Variants in ATP13A4 observed in about 807,000 individuals in gnomAD.
ATP13A4 encodes the protein probable cation-transporting ATPase 13A4.
A neutral mutation model predicts 142.5 loss-of-function variants in ATP13A4; 114 were observed. The observed-to-expected ratio is 0.80, with a 90% CI of 0.69 to 0.93. The LOEUF is 0.93. Among genes scored for constraint, ATP13A4 ranks in the 40% least tolerant of loss-of-function variants. ATP13A4 has a pLI of 0.00. For synonymous variants in ATP13A4, 488 were observed against 514.8 expected (o/e 0.95, Z 0.70); for missense variants, 1,392 against 1,454.0 (o/e 0.96, Z 0.69).
intron 17 of ATP13A4, among the ~76,000 whole-genome samples, chr3:193,448,948 A>C (rs1465718108): frequency 6.6e-6 from 1 of 151,530 alleles, no homozygotes; most frequent in Non-Finnish European, 1.5e-5. Context: ...CACAAAGGGG[A>C]GTTTTAGTTC....
At position 193,414,700 on chromosome 3, in the gene ATP13A4, G is replaced by T. The variant is rs189378270; in HGVS notation, c.2893C>A (p.Arg965=). 1.9e-6 allele frequency: 3 copies of T among 1,614,016 alleles called. No homozygotes were observed. The highest frequency in any genetic ancestry group is 2.5e-6 in the Non-Finnish European group (3 of 1,180,010). ...PKLVPFRPAG[R]LISPPLLLSV... ...AGTAGCAGAGGTGGAGAGATCAGCC[G>T]TCCTGCAGGTCTGAAAGGCACCAGC... Residue 965 remains arginine (R), a synonymous_variant, in exon 26 of 30, where the codon CGG becomes AGG. Transcript: ENST00000342695.
chr3:193,417,918 C>A (rs376453247), intron 25 of ATP13A4, among the ~76,000 whole-genome samples: 1 of 146,410 alleles, frequency 6.8e-6, no homozygotes, highest in East Asian at 2.2e-4. Context: ...GTCAGGAGAT[C>A]GAGACCATCC....
intron 16 of ATP13A4, 149 bp downstream of exon 16, chr3:193,456,851 G>A (rs1034754081): frequency 5.2e-5 from 51 of 985,370 alleles, no homozygotes; most frequent in African/African-American, 4.9e-5. Flanking sequence ...AGAAAGACAC[G>A]CTTGGTTTTC....
At chr3:193,425,362 A>G (rs1420461517) in intron 25 of ATP13A4, among the ~76,000 whole-genome samples, 1 of 151,852 alleles carries the variant, frequency 6.6e-6, no homozygotes, top group Non-Finnish European at 1.5e-5. Context: ...ACTACTGGGT[A>G]TGTATCCAAA....
intron 17 of ATP13A4, among the ~76,000 whole-genome samples, chr3:193,452,285 A>G (rs1392236943): frequency 6.6e-6 from 1 of 152,182 alleles, no homozygotes; most frequent in Non-Finnish European, 1.5e-5. Context: ...CTCTCCTTCA[A>G]AATGTGATAT....
At chr3:193,508,061 G>A (rs1720950144) in intron 2 of ATP13A4, among the ~76,000 whole-genome samples, 2 of 152,160 alleles carry the variant, frequency 1.3e-5, no homozygotes, top group South Asian at 2.1e-4. Context: ...CATATGAGAT[G>A]AAGAGACACC....
intron 2 of ATP13A4, among the ~76,000 whole-genome samples, chr3:193,561,174 C>T (rs1391238030): frequency 6.6e-6 from 1 of 152,214 alleles, no homozygotes; most frequent in Non-Finnish European, 1.5e-5. Flanking sequence ...TTAACAGAAT[C>T]AGGGCACTGC....
At chr3:193,582,237 C>A (rs1296648993) in intron 1 of ATP13A4, among the ~76,000 whole-genome samples, 1 of 149,566 alleles carries the variant, frequency 6.7e-6, no homozygotes, top group African/African-American at 2.4e-5. Context: ...CAACCTCCCC[C>A]TCCAGGGTTC....
chr3:193,405,828 G>A (rs1481307790), intron 29 of ATP13A4, among the ~76,000 whole-genome samples: 1 of 152,096 alleles, frequency 6.6e-6, no homozygotes, highest in Admixed American at 6.6e-5. Flanking sequence ...GGATGGAATA[G>A]CACTTTAATA....
chr3:193,449,922 C>T (rs1042271350), intron 17 of ATP13A4, among the ~76,000 whole-genome samples: 22 of 151,948 alleles, frequency 1.4e-4, no homozygotes, highest in East Asian at 1.9e-4. Flanking sequence ...GAGTTCGAGA[C>T]GAGCCTGACC....
chr3:193,435,138 T>A (rs545472165), intron 24 of ATP13A4, among the ~76,000 whole-genome samples: 2 of 152,324 alleles, frequency 1.3e-5, no homozygotes, highest in Admixed American at 1.3e-4. Context: ...TATTATAGAA[T>A]CATATGCTAC....
chr3:193,505,705 C>T (rs1284551046), intron 2 of ATP13A4, among the ~76,000 whole-genome samples: 1 of 152,098 alleles, frequency 6.6e-6, no homozygotes, highest in East Asian at 1.9e-4. Flanking sequence ...TTGTATACTA[C>T]CCTGTTGAGG....
chr3:193,556,364 T>C (rs1723888896), upstream of ATP13A4, among the ~76,000 whole-genome samples: 1 of 151,818 alleles, frequency 6.6e-6, no homozygotes, highest in African/African-American at 2.4e-5. Context: ...AATGTGTGCA[T>C]GTGTGTGTGT....
Position 193,458,648 on chromosome 3 carries a change from A to G in ATP13A4, c.1674+433T>C, listed in dbSNP as rs11928607. Reference sequence around the variant, plus strand: ...TAAAATCAATATGAAATTAATAGAAATAAGACTTATAGTCCCCGTGAATCT... The same window carrying G: ...TAAAATCAATATGAAATTAATAGAAGTAAGACTTATAGTCCCCGTGAATCT... On this transcript the variant is annotated intron_variant, in intron 14 of 29. Coordinates refer to ENST00000342695, the MANE Select transcript of ATP13A4 (RefSeq NM_032279.4). 288 of 215,660 alleles carry G rather than the reference A, an allele frequency of 1.3e-3. 4 individuals carry two copies. Among genetic ancestry groups the G allele is most frequent in the African/African-American group, 6.1e-3 (269 of 44,118 alleles). The allele number at this position is 215,660 out of a possible 1,614,324, so 13.4% of individuals were successfully genotyped here. A position where few individuals can be genotyped will look rare whatever the true frequency, so the allele number is the denominator to read the frequency against.
At chr3:193,474,670 AAAG>A (rs1718846893) in intron 8 of ATP13A4, among the ~76,000 whole-genome samples, 2 of 148,360 alleles carry the variant, frequency 1.3e-5, no homozygotes, top group Non-Finnish European at 3.0e-5. Flanking sequence ...AAAGAAAGAA[AAAG>A]AAAGAAAAAA....
chr3:193,498,394 G>T (rs948620440), intron 3 of ATP13A4, among the ~76,000 whole-genome samples: 1 of 152,060 alleles, frequency 6.6e-6, no homozygotes, highest in Non-Finnish European at 1.5e-5. Context: ...GAAAAGGGAA[G>T]GGTTGACGCT....
intron 26 of ATP13A4, among the ~76,000 whole-genome samples, chr3:193,412,610 TGA>T (rs372985489): frequency 1.8e-4 from 25 of 136,948 alleles, no homozygotes; most frequent in African/African-American, 3.2e-4. Context: ...TTGGATACAT[TGA>T]GAGAGAGAGA....
chr3:193,423,842 GA>G (rs35659312), intron 25 of ATP13A4, among the ~76,000 whole-genome samples: 106,409 of 146,182 alleles, frequency 0.73, 40,010 homozygotes, highest in Non-Finnish European at 0.76. Context: ...CTAGGCAAGA[GA>G]AAAAAAAAAC....
intron 8 of ATP13A4, among the ~76,000 whole-genome samples, chr3:193,474,614 A>AAAGG (rs1718836024): frequency 6.7e-6 from 1 of 149,924 alleles, no homozygotes; most frequent in Admixed American, 6.7e-5. Context: ...AGGAAGGAAG[A>AAAGG]AAGGAAGGAG....
Sources: gnomAD v4.1 joint callset for allele counts (sites outside exome capture counted in the v4.1 genomes callset) on GRCh38, gnomAD v4.1.1 for gene constraint, MANE v1.5 for transcripts, NCBI Gene and HGNC (gene_info 2026-07-23, HGNC 2026-07-21) for gene names.